CYSLTR2: variants seen among roughly 807,000 people sequenced by gnomAD.
CYSLTR2 encodes G-protein coupled receptor GPCR21.
For synonymous variants in CYSLTR2, 179 were observed against 160.8 expected, an observed-to-expected ratio of 1.11 and a Z score of -0.86; for missense variants, 398 against 411.9, an observed-to-expected ratio of 0.97 and a Z score of 0.29.
chr13:48,662,608 G>C (rs1485871775), intron 1 of CYSLTR2, among the ~76,000 whole-genome samples: 2 of 152,146 alleles, frequency 1.3e-5, no homozygotes, highest in Admixed American at 6.5e-5. Flanking sequence ...CTGATGATTA[G>C]TGATGTTGAA....
chr13:48,706,546 G>A (rs958358423), intron 4 of CYSLTR2: 2 of 379,960 alleles, frequency 5.3e-6, no homozygotes, highest in Non-Finnish European at 9.5e-6. Context: ...AACAGGGTCA[G>A]TAGGTCACAA....
chr13:48,654,180 G>A (rs1407081538), intron 1 of CYSLTR2, among the ~76,000 whole-genome samples, 163 bp downstream of exon 1: 3 of 151,574 alleles, frequency 2.0e-5, no homozygotes, highest in Non-Finnish European at 4.4e-5. Flanking sequence ...TACTGTGGAA[G>A]TATAAAAATG....
rs1256250448 is a variant in CYSLTR2, at chr13:48,709,930, G to A, written c.*2072G>A. 5 of 152,144 alleles carry A rather than the reference G, an allele frequency of 3.3e-5. No individual in the cohort carries two copies. Among genetic ancestry groups the A allele is most frequent in the African/African-American group, 1.2e-4 (5 of 41,424 alleles). The allele number at this position is 152,144 out of a possible 1,614,324, so 9.4% of individuals were successfully genotyped here. ...CTCCCAGAAAAAGAAGAAATTAATT[G>A]ATTCATACACATTGAGAGGGATTTA... is the stretch of plus-strand genomic sequence containing the variant. On this transcript the variant is annotated 3_prime_UTR_variant, in exon 5 of 5. Coordinates refer to ENST00000682523, the MANE Select transcript of CYSLTR2 (RefSeq NM_001308476.3).
Position 48,707,605 on chromosome 13 carries a change from A to C in CYSLTR2, c.788A>C (p.Tyr263Ser), listed in dbSNP as rs149666471. ...LIIFFLCFLP[Y>S]HTLRTVHLTT... ...ATCTTCTTCTTGTGTTTCCTGCCCT[A>C]TCACACACTGAGGACCGTCCACTTG... The change falls in exon 5 of 5, where the codon TAT becomes TCT. Residue 263 changes from tyrosine (Y) to serine (S), a missense_variant. Coordinates refer to ENST00000682523, the MANE Select transcript of CYSLTR2 (RefSeq NM_001308476.3). The C allele has an allele frequency of 3.1e-6, 5 of 1,611,976 alleles. No individual in the cohort carries two copies. The highest frequency in any genetic ancestry group is 4.2e-6 in the Non-Finnish European group (5 of 1,180,010).
chr13:48,689,575 T>G (rs1007925144), intron 1 of CYSLTR2, among the ~76,000 whole-genome samples: 1 of 152,148 alleles, frequency 6.6e-6, no homozygotes, highest in African/African-American at 2.4e-5. Flanking sequence ...ATGTGTGGTG[T>G]TATTTCTGAG....
chr13:48,663,955 C>T (rs1388427042), intron 1 of CYSLTR2, among the ~76,000 whole-genome samples: 2 of 152,028 alleles, frequency 1.3e-5, no homozygotes, highest in Non-Finnish European at 2.9e-5. Flanking sequence ...AAGATGTTTG[C>T]TGTGAGTTTG....
chr13:48,685,073 G>A (rs1478641995), intron 1 of CYSLTR2, among the ~76,000 whole-genome samples: 1 of 152,112 alleles, frequency 6.6e-6, no homozygotes, highest in Non-Finnish European at 1.5e-5. Flanking sequence ...CTGAGACTGG[G>A]TAATTTATAA....
At chr13:48,666,301 G>C (rs577429479) in intron 1 of CYSLTR2, among the ~76,000 whole-genome samples, 1 of 152,222 alleles carries the variant, frequency 6.6e-6, no homozygotes, top group South Asian at 2.1e-4. Context: ...TATGTGGCTT[G>C]ATGCTCTTCT....
At chr13:48,668,423 G>C (rs1353855247) in intron 1 of CYSLTR2, among the ~76,000 whole-genome samples, 3 of 152,008 alleles carry the variant, frequency 2.0e-5, no homozygotes, top group Non-Finnish European at 4.4e-5. Context: ...ACAGGAATAG[G>C]CATAAAGAAG....
intron 1 of CYSLTR2, among the ~76,000 whole-genome samples, chr13:48,683,405 T>C (rs1211084232): frequency 6.6e-6 from 1 of 152,238 alleles, no homozygotes; most frequent in African/African-American, 2.4e-5. Flanking sequence ...TTCTTTGACT[T>C]TTTAATAATA....
At chr13:48,695,451 T>G (rs930829926) in intron 3 of CYSLTR2, among the ~76,000 whole-genome samples, 1 of 151,142 alleles carries the variant, frequency 6.6e-6, no homozygotes, top group Non-Finnish European at 1.5e-5. Context: ...GGTCTCACTA[T>G]GTTGCCTAGG....
chr13:48,662,201 G>A (rs1157576158), intron 1 of CYSLTR2, among the ~76,000 whole-genome samples: 1 of 152,084 alleles, frequency 6.6e-6, no homozygotes, highest in Non-Finnish European at 1.5e-5. Flanking sequence ...TCCATTTTAT[G>A]GCTGAATAGT....
At position 48,709,304 on chromosome 13, in the gene CYSLTR2, G is replaced by A. The variant is rs1276946801; in HGVS notation, c.*1446G>A. On this transcript the variant is annotated 3_prime_UTR_variant, in exon 5 of 5. Coordinates refer to ENST00000682523, the MANE Select transcript of CYSLTR2 (RefSeq NM_001308476.3). ...TTGTTGACTCATAGTACAGTAAAGG[G>A]TGGAGGTGATATGGCATTCTGAAAG... The A allele has an allele frequency of 6.0e-6, 1 of 167,168 alleles. No homozygotes were observed. The highest frequency in any genetic ancestry group is 2.4e-5 in the African/African-American group (1 of 41,562). 10.4% of individuals were successfully genotyped at this position (167,168 alleles called of 1,614,324 possible). A position where few individuals can be genotyped will look rare whatever the true frequency, so the allele number is the denominator to read the frequency against.
intron 2 of CYSLTR2, among the ~76,000 whole-genome samples, chr13:48,692,204 TAG>T (rs1282255011): frequency 1.3e-5 from 2 of 152,014 alleles, no homozygotes. Context: ...TGCTATGTGT[TAG>T]CAATTAACAA....
intron 1 of CYSLTR2, among the ~76,000 whole-genome samples, chr13:48,665,408 T>C (rs955911952): frequency 3.3e-5 from 5 of 152,122 alleles, no homozygotes; most frequent in African/African-American, 1.2e-4. Flanking sequence ...GTGCCAAGAA[T>C]TGGCTGCTGA....
intron 4 of CYSLTR2, among the ~76,000 whole-genome samples, chr13:48,706,026 C>T (rs1284559842): frequency 4.5e-4 from 49 of 109,620 alleles, no homozygotes; most frequent in African/African-American, 1.5e-3. Flanking sequence ...GATGGAGTTT[C>T]GCTCTTGTTG....
intron 1 of CYSLTR2, among the ~76,000 whole-genome samples, chr13:48,656,722 T>G (rs1338469597): frequency 2.0e-5 from 3 of 152,234 alleles, no homozygotes; most frequent in Non-Finnish European, 4.4e-5. Context: ...AGATCCTTTC[T>G]GCTTTTCTAT....
At chr13:48,656,696 T>C (rs983298787) in intron 1 of CYSLTR2, among the ~76,000 whole-genome samples, 4 of 152,234 alleles carry the variant, frequency 2.6e-5, no homozygotes, top group Admixed American at 6.5e-5. Flanking sequence ...GCATTTCCTG[T>C]GTACTCCAGA....
At chr13:48,682,984 G>C (rs574688178) in intron 1 of CYSLTR2, among the ~76,000 whole-genome samples, 1 of 152,128 alleles carries the variant, frequency 6.6e-6, no homozygotes, top group Admixed American at 6.5e-5. Context: ...GTGGTATTTG[G>C]TTTTCTCTTC....
Sources: gnomAD v4.1 joint callset for allele counts (sites outside exome capture counted in the v4.1 genomes callset) on GRCh38, gnomAD v4.1.1 for gene constraint, MANE v1.5 for transcripts, NCBI Gene and HGNC (gene_info 2026-07-23, HGNC 2026-07-21) for gene names.